Variants in ROPN1L observed in about 807,000 individuals in gnomAD.
ROPN1L encodes ropporin-1-like protein.
Under a neutral mutation model 22.7 loss-of-function variants are expected in ROPN1L, and 23 were observed. The ratio of observed to expected loss-of-function variants is 1.01; its 90% CI spans 0.73 to 1.43. The LOEUF (loss-of-function observed/expected upper bound fraction) is 1.43. Among genes scored for constraint, ROPN1L ranks in the 40% most tolerant of loss-of-function variants. The pLI is 0.00. For missense variants in ROPN1L, 271 were observed against 291.5 expected, an observed-to-expected ratio of 0.93 and a Z score of 0.51; for synonymous variants, 116 against 117.8, an observed-to-expected ratio of 0.98 and a Z score of 0.10.
chr5:10,443,854 C>A (rs927945096), intron 1 of ROPN1L, among the ~76,000 whole-genome samples: 1 of 152,192 alleles, frequency 6.6e-6, no homozygotes, highest in African/African-American at 2.4e-5. Context: ...ATCTTCAAAT[C>A]TCCCTCTGCC....
chr5:10,481,460 G>A, the ROPN1L span, among the ~76,000 whole-genome samples: 2 of 152,192 alleles, frequency 1.3e-5, no homozygotes, highest in African/African-American at 4.8e-5. Context: ...ACCCAATAGA[G>A]GAGGTGTCTG....
the ROPN1L span, among the ~76,000 whole-genome samples, chr5:10,480,589 C>A: frequency 6.6e-6 from 1 of 152,120 alleles, no homozygotes; most frequent in Non-Finnish European, 1.5e-5. Flanking sequence ...CCCTCCCCAT[C>A]CTCCAGGCAT....
chr5:10,442,034 C>A lies in ROPN1L; in HGVS notation c.-134C>A. Reference sequence around the variant, plus strand: ...AGCCCCGCGAATCCGGCCCCAACCTCGGGAACGGGATGGGAGGCGGCCCTG... The same window carrying A: ...AGCCCCGCGAATCCGGCCCCAACCTAGGGAACGGGATGGGAGGCGGCCCTG... On this transcript the variant is annotated 5_prime_UTR_variant, in exon 1 of 5. Coordinates refer to ENST00000274134, the MANE Select transcript of ROPN1L (RefSeq NM_031916.5). 7.8e-7 allele frequency: 1 copy of A among 1,286,874 alleles called. No homozygotes were observed. Among genetic ancestry groups the A allele is most frequent in the Non-Finnish European group, 1.1e-6 (1 of 933,366 alleles). The allele number at this position is 1,286,874 out of a possible 1,614,324, so 79.7% of individuals were successfully genotyped here.
downstream of ROPN1L, among the ~76,000 whole-genome samples, chr5:10,474,624 G>A (rs940789842): frequency 3.8e-4 from 58 of 152,358 alleles, no homozygotes; most frequent in African/African-American, 1.4e-3. Flanking sequence ...CTCGGCCCAC[G>A]CCATGATGAG....
chr5:10,476,975 G>A (rs1735327700), downstream of ROPN1L, among the ~76,000 whole-genome samples: 1 of 152,218 alleles, frequency 6.6e-6, no homozygotes, highest in Non-Finnish European at 1.5e-5. Context: ...GCATCATATA[G>A]TAAATCTTTT....
intron 4 of ROPN1L, among the ~76,000 whole-genome samples, chr5:10,463,922 A>C (rs1311981657): frequency 1.3e-5 from 2 of 152,096 alleles, no homozygotes; most frequent in African/African-American, 2.4e-5. Flanking sequence ...CTGGCCTGTC[A>C]TCACCACCCA....
At chr5:10,459,952 G>A (rs891251677) in intron 3 of ROPN1L, among the ~76,000 whole-genome samples, 5 of 152,302 alleles carry the variant, frequency 3.3e-5, no homozygotes, top group Non-Finnish European at 7.3e-5. Flanking sequence ...TGGCGAGGGG[G>A]GTTACGTTTA....
chr5:10,444,066 T>G (rs1015392839), intron 1 of ROPN1L, among the ~76,000 whole-genome samples: 4 of 152,220 alleles, frequency 2.6e-5, no homozygotes, highest in African/African-American at 9.6e-5. Flanking sequence ...ATCCAGTGCT[T>G]GCCTTCTGAG....
At chr5:10,470,596 T>G (rs983725320) in intron 4 of ROPN1L, among the ~76,000 whole-genome samples, 2 of 152,242 alleles carry the variant, frequency 1.3e-5, no homozygotes, top group African/African-American at 4.8e-5. Context: ...GGAACCTTCA[T>G]GCTTTCCCCG....
chr5:10,458,307 C>T (rs1370214502), intron 3 of ROPN1L, among the ~76,000 whole-genome samples: 1 of 151,896 alleles, frequency 6.6e-6, no homozygotes, highest in Non-Finnish European at 1.5e-5. Context: ...CCATGCTGGT[C>T]CCTCATCTCC....
chr5:10,451,969 T>TATCTATCTA (rs1561170903), intron 3 of ROPN1L, among the ~76,000 whole-genome samples: 30 of 151,314 alleles, frequency 2.0e-4, no homozygotes, highest in African/African-American at 6.1e-4. Flanking sequence ...CTATCTAATC[T>TATCTATCTA]ATCTATCTAT....
chr5:10,453,639 C>T (rs1216530890), intron 3 of ROPN1L, among the ~76,000 whole-genome samples: 2 of 152,214 alleles, frequency 1.3e-5, no homozygotes, highest in Admixed American at 6.5e-5. Context: ...GGATAGATGT[C>T]GTTCCTGCTC....
At chr5:10,471,476 G>A (rs897140053) in intron 4 of ROPN1L, among the ~76,000 whole-genome samples, 2 of 152,204 alleles carry the variant, frequency 1.3e-5, no homozygotes, top group Admixed American at 6.5e-5. Context: ...GGGGAAGTGT[G>A]TAGGTGGGGC....
chr5:10,452,295 GTGTGTGTGTGTGTGTGTGTC>G (rs1741280784), intron 3 of ROPN1L, among the ~76,000 whole-genome samples: 2 of 144,732 alleles, frequency 1.4e-5, no homozygotes, highest in Admixed American at 1.3e-4. Context: ...ATATGTGTGT[GTGTGTGTGTGTGTGTGTGTC>G]TGTGTGTGTG....
intron 3 of ROPN1L, among the ~76,000 whole-genome samples, chr5:10,459,442 C>T (rs1734964549): frequency 6.6e-6 from 1 of 152,198 alleles, no homozygotes; most frequent in South Asian, 2.1e-4. Flanking sequence ...TACAGTGCTC[C>T]GTCTTTGTTT....
At chr5:10,468,248 AG>A (rs991507905), downstream of ROPN1L, among the ~76,000 whole-genome samples, 7 of 152,218 alleles carry the variant, frequency 4.6e-5, no homozygotes, top group African/African-American at 1.7e-4. Flanking sequence ...CAAAACATAA[AG>A]GGGGATCACT....
At chr5:10,481,022 A>G in the ROPN1L span, among the ~76,000 whole-genome samples, 1 of 152,124 alleles carries the variant, frequency 6.6e-6, no homozygotes, top group Non-Finnish European at 1.5e-5. Context: ...AACCCACCGC[A>G]GTAGCAGACC....
At chr5:10,459,904 C>T (rs936147153) in intron 3 of ROPN1L, among the ~76,000 whole-genome samples, 9 of 152,146 alleles carry the variant, frequency 5.9e-5, no homozygotes, top group Non-Finnish European at 1.2e-4. Context: ...ACTTGGCAAA[C>T]GTGGAGGGAA....
intron 1 of ROPN1L, among the ~76,000 whole-genome samples, chr5:10,444,211 A>T (rs1054394428): frequency 6.6e-6 from 1 of 152,228 alleles, no homozygotes; most frequent in Non-Finnish European, 1.5e-5. Context: ...AAATTCCAAG[A>T]TTTAGCAACA....
Sources: gnomAD v4.1 joint callset for allele counts (sites outside exome capture counted in the v4.1 genomes callset) on GRCh38, gnomAD v4.1.1 for gene constraint, MANE v1.5 for transcripts, NCBI Gene and HGNC (gene_info 2026-07-23, HGNC 2026-07-21) for gene names.